The following MEI4 variants were observed in gnomAD, a reference collection of about 807,000 sequenced individuals.
MEI4 encodes the protein meiosis-specific protein MEI4.
Under a neutral mutation model 31.4 loss-of-function variants are expected in MEI4, and 27 were observed. That is an observed-to-expected ratio of 0.86 (90% CI 0.63 to 1.19). MEI4 has a LOEUF of 1.19. Among genes scored for constraint, MEI4 ranks in the 50% most tolerant of loss-of-function variants. The pLI is 0.00. For missense variants in MEI4, 329 were observed against 398.9 expected (o/e 0.82, Z 1.49); for synonymous variants, 122 against 145.4 (o/e 0.84, Z 1.16).
At chr6:77,785,945 C>T (rs1358209106) in intron 3 of MEI4, among the ~76,000 whole-genome samples, 1 of 152,000 alleles carries the variant, frequency 6.6e-6, no homozygotes, top group Non-Finnish European at 1.5e-5. Context: ...TTGGATGGTA[C>T]CTGTCACATA....
intron 3 of MEI4, among the ~76,000 whole-genome samples, chr6:77,775,088 C>G (rs1026165443): frequency 1.3e-5 from 2 of 152,124 alleles, no homozygotes; most frequent in Non-Finnish European, 2.9e-5. Context: ...CTCTCTCTTA[C>G]AAGAATATTT....
intron 3 of MEI4, among the ~76,000 whole-genome samples, chr6:77,797,940 A>T (rs1769124620): frequency 6.6e-6 from 1 of 152,168 alleles, no homozygotes; most frequent in African/African-American, 2.4e-5. Flanking sequence ...AGTATTAACC[A>T]TCACACTTAG....
At chr6:77,671,464 G>A (rs986069705) in intron 1 of MEI4, among the ~76,000 whole-genome samples, 5 of 152,064 alleles carry the variant, frequency 3.3e-5, no homozygotes, top group African/African-American at 9.7e-5. Context: ...ACTCCCAAGC[G>A]TGAAATATGA....
At chr6:77,786,795 C>T (rs1768747914) in intron 3 of MEI4, among the ~76,000 whole-genome samples, 1 of 150,682 alleles carries the variant, frequency 6.6e-6, no homozygotes, top group African/African-American at 2.4e-5. Context: ...ATTTCATTGA[C>T]AATAGCAACA....
chr6:77,763,335 A>G (rs962677626), intron 3 of MEI4, among the ~76,000 whole-genome samples: 6 of 152,070 alleles, frequency 3.9e-5, no homozygotes, highest in Non-Finnish European at 8.8e-5. Flanking sequence ...TTCCATGCAC[A>G]CCAAGTTCCC....
chr6:77,759,717 C>T (rs545925479), intron 2 of MEI4, among the ~76,000 whole-genome samples: 2 of 152,118 alleles, frequency 1.3e-5, no homozygotes, highest in South Asian at 4.1e-4. Flanking sequence ...CCTTTTCTTT[C>T]TCTTCCACTG....
rs1240559382 is a variant in MEI4, at chr6:77,719,083, A to T, written c.232+28180A>T. The stretch of plus-strand genomic sequence containing the variant: ...TGTCTAAACTTTCTGTTAAGTCGCT[A>T]TCAACAGCTGGACTCACTTGTGCAC... On this transcript the variant is annotated intron_variant, in intron 2 of 4. Transcript: ENST00000684080. Among the ~76,000 whole-genome samples, 16 of 128,480 alleles carry T rather than the reference A, an allele frequency of 1.2e-4. 1 individual carries two copies. The highest frequency in any genetic ancestry group is 2.0e-4 in the Non-Finnish European group (12 of 59,034). The allele number at this position is 128,480 out of a possible 152,430, so 84.3% of individuals were successfully genotyped here.
chr6:77,749,566 A>T (rs1767709589), intron 2 of MEI4, among the ~76,000 whole-genome samples: 1 of 152,210 alleles, frequency 6.6e-6, no homozygotes, highest in Non-Finnish European at 1.5e-5. Flanking sequence ...ACAAGATTAG[A>T]GAAAAAAGAA....
At chr6:77,867,402 C>T (rs1357322366) in intron 4 of MEI4, among the ~76,000 whole-genome samples, 2 of 152,006 alleles carry the variant, frequency 1.3e-5, no homozygotes, top group Non-Finnish European at 1.5e-5. Context: ...AACAAGTCGG[C>T]GAAGGATATG....
chr6:77,695,435 C>T (rs1310086811), intron 2 of MEI4, among the ~76,000 whole-genome samples: 22 of 152,162 alleles, frequency 1.4e-4, no homozygotes, highest in Middle Eastern at 3.4e-3. Flanking sequence ...TGAATTAATT[C>T]TTGTATAAGG....
chr6:77,687,181 G>T (rs928958654), intron 1 of MEI4, among the ~76,000 whole-genome samples: 3 of 151,954 alleles, frequency 2.0e-5, no homozygotes, highest in Non-Finnish European at 4.4e-5. Context: ...AAATAAAAAA[G>T]AATACAAGTA....
At chr6:77,887,432 G>T (rs981625160) in intron 4 of MEI4, among the ~76,000 whole-genome samples, 1 of 151,906 alleles carries the variant, frequency 6.6e-6, no homozygotes, top group Admixed American at 6.6e-5. Context: ...GAGTAGTTGG[G>T]ATTACAGGCA....
At chr6:77,766,663 C>T (rs148736609) in intron 3 of MEI4, among the ~76,000 whole-genome samples, 5 of 152,092 alleles carry the variant, frequency 3.3e-5, no homozygotes, top group Admixed American at 6.5e-5. Context: ...CCGCCCACCT[C>T]GGCCTCCCAA....
intron 4 of MEI4, among the ~76,000 whole-genome samples, chr6:77,894,857 A>G (rs532010161): frequency 1.2e-4 from 19 of 152,244 alleles, no homozygotes; most frequent in South Asian, 1.2e-3. Flanking sequence ...TTCTCCAACA[A>G]ATCTGGCTCC....
At chr6:77,693,884 A>G (rs895993768) in intron 2 of MEI4, among the ~76,000 whole-genome samples, 1 of 152,138 alleles carries the variant, frequency 6.6e-6, no homozygotes, top group Non-Finnish European at 1.5e-5. Flanking sequence ...GTTGTTTTAT[A>G]TGTGCAACTG....
intron 4 of MEI4, among the ~76,000 whole-genome samples, chr6:77,902,198 G>A (rs1021813570): frequency 5.3e-5 from 8 of 151,924 alleles, no homozygotes; most frequent in African/African-American, 1.9e-4. Context: ...GTATTTTATA[G>A]CTCTTCACGA....
At chr6:77,864,665 A>T (rs1582230145) in intron 4 of MEI4, among the ~76,000 whole-genome samples, 2 of 152,198 alleles carry the variant, frequency 1.3e-5, no homozygotes, top group East Asian at 3.8e-4. Flanking sequence ...AACATTAGAC[A>T]GATCAATGAG....
chr6:77,920,074 G>A (rs1271857314), intron 4 of MEI4, among the ~76,000 whole-genome samples: 2 of 148,232 alleles, frequency 1.3e-5, no homozygotes, highest in Admixed American at 6.8e-5. Flanking sequence ...AGAGGTACAA[G>A]GAGGAACTGG....
chr6:77,886,119 C>A (rs1350905769), intron 4 of MEI4, among the ~76,000 whole-genome samples: 1 of 151,850 alleles, frequency 6.6e-6, no homozygotes, highest in East Asian at 1.9e-4. Flanking sequence ...CTGTAGTTTT[C>A]TTTTTTTAAT....
Sources: gnomAD v4.1 joint callset for allele counts (sites outside exome capture counted in the v4.1 genomes callset) on GRCh38, gnomAD v4.1.1 for gene constraint, MANE v1.5 for transcripts, NCBI Gene and HGNC (gene_info 2026-07-23, HGNC 2026-07-21) for gene names.